Variants in CECR2 observed in about 807,000 individuals in gnomAD.
CECR2 encodes CECR2 histone acetyl-lysine reader.
CECR2 carries 30 observed loss-of-function variants against 154.5 expected under a neutral mutation model. The ratio of observed to expected loss-of-function variants is 0.19; its 90% CI spans 0.15 to 0.26. The LOEUF (loss-of-function observed/expected upper bound fraction) is 0.26. Among genes scored for constraint, CECR2 ranks in the 10% least tolerant of loss-of-function variants. The pLI is 1.00. For missense variants in CECR2, 1,743 were observed against 1,829.3 expected, an observed-to-expected ratio of 0.95 and a Z score of 0.86; for synonymous variants, 725 against 683.7, an observed-to-expected ratio of 1.06 and a Z score of -0.94.
intron 1 of CECR2, among the ~76,000 whole-genome samples, chr22:17,441,066 A>T (rs970656947): frequency 1.3e-5 from 2 of 152,114 alleles, no homozygotes; most frequent in Non-Finnish European, 2.9e-5. Context: ...GTCCTGCCAC[A>T]GCCTCCAGAG....
intron 1 of CECR2, among the ~76,000 whole-genome samples, chr22:17,411,959 C>T (rs79456609): frequency 0.037 from 5,609 of 152,062 alleles, 114 homozygotes; most frequent in Middle Eastern, 0.048. Flanking sequence ...GCCCTGTTGT[C>T]GGACGTCAAG....
intron 8 of CECR2, among the ~76,000 whole-genome samples, chr22:17,521,052 C>CA (rs1252937057): frequency 6.6e-6 from 1 of 152,160 alleles, no homozygotes; most frequent in Admixed American, 6.5e-5. Flanking sequence ...TTTACACTCC[C>CA]ACCAACAGCG....
chr22:17,511,348 C>G (rs974159144), intron 7 of CECR2, among the ~76,000 whole-genome samples: 9 of 152,168 alleles, frequency 5.9e-5, no homozygotes, highest in African/African-American at 2.2e-4. Context: ...CCCACCCCTG[C>G]TCTCTCCCTG....
At chr22:17,463,414 G>C (rs2054974915) in intron 1 of CECR2, among the ~76,000 whole-genome samples, 1 of 152,172 alleles carries the variant, frequency 6.6e-6, no homozygotes, top group South Asian at 2.1e-4. Context: ...AGGGAGTTTG[G>C]TGAGGAAGCT....
intron 1 of CECR2, among the ~76,000 whole-genome samples, chr22:17,362,901 CA>C (rs372498587): frequency 0.46 from 37,515 of 82,306 alleles, 5,705 homozygotes; most frequent in Middle Eastern, 0.59. Context: ...AACTCCGTCT[CA>C]AAAAAAAAAA....
chr22:17,433,147 G>A (rs1409519491), intron 1 of CECR2, among the ~76,000 whole-genome samples: 2 of 152,082 alleles, frequency 1.3e-5, no homozygotes, highest in African/African-American at 4.8e-5. Flanking sequence ...GAACTGATAC[G>A]AACAATATCA....
chr22:17,515,642 A>G (rs186637273), intron 8 of CECR2, among the ~76,000 whole-genome samples: 2 of 152,310 alleles, frequency 1.3e-5, no homozygotes, highest in East Asian at 1.9e-4. Context: ...TTAAGCATAC[A>G]ATAAAAGCTG....
At chr22:17,517,177 A>G (rs959386756) in intron 8 of CECR2, among the ~76,000 whole-genome samples, 2 of 152,156 alleles carry the variant, frequency 1.3e-5, no homozygotes, top group African/African-American at 4.8e-5. Flanking sequence ...GCGCCTGGCC[A>G]AGATCTGGGT....
intron 2 of CECR2, among the ~76,000 whole-genome samples, chr22:17,493,595 G>A (rs982254145): frequency 6.6e-6 from 1 of 152,174 alleles, no homozygotes; most frequent in African/African-American, 2.4e-5. Context: ...GCCCTCAGGT[G>A]TCTCCTAGTT....
At chr22:17,426,247 ATGT>A (rs1405412397) in intron 1 of CECR2, among the ~76,000 whole-genome samples, 1 of 146,046 alleles carries the variant, frequency 6.8e-6, no homozygotes, top group East Asian at 2.0e-4. Flanking sequence ...GAATTCCTTA[ATGT>A]TGTCAAATTT....
At chr22:17,410,058 T>G (rs533598159) in intron 1 of CECR2, among the ~76,000 whole-genome samples, 1 of 141,388 alleles carries the variant, frequency 7.1e-6, no homozygotes, top group East Asian at 2.0e-4. Flanking sequence ...CTCGGCTCAC[T>G]GCAATCTCCA....
Position 17,541,959 on chromosome 22 carries a change from A to G in CECR2, c.2005A>G (p.Thr669Ala), listed in dbSNP as rs760159046. Residue 669 changes from threonine (T) to alanine (A), a missense_variant, in exon 15 of 19, where the codon ACC (threonine) becomes GCC (alanine). Thr to Ala is a moderately conservative substitution (Grantham distance 58, BLOSUM62 0). Transcript: ENST00000262608. ...GEPVQQRQPF[T>A]MQPPVGINSL... ...GCCTGTGCAGCAGCGTCAGCCTTTC[A>G]CCATGCAGGTAAGCAGCCTACTCTG... The G allele has an allele frequency of 1.2e-6, 2 of 1,613,094 alleles. No individual in the cohort carries two copies. Among genetic ancestry groups the G allele is most frequent in the Non-Finnish European group, 1.7e-6 (2 of 1,179,512 alleles).
At chr22:17,386,516 C>G (rs868804740) in intron 1 of CECR2, among the ~76,000 whole-genome samples, 1 of 152,086 alleles carries the variant, frequency 6.6e-6, no homozygotes, top group Non-Finnish European at 1.5e-5. Context: ...TGTTTTATAC[C>G]AGTAATCAAT....
At position 17,540,669 on chromosome 22, in the gene CECR2, T is replaced by G; in HGVS notation, c.1753T>G (p.Ser585Ala). Residue 585 changes from serine to alanine, a missense_variant, in exon 14 of 19, where the codon TCT becomes GCT. Physicochemically the swap from Ser to Ala is moderately conservative, Grantham distance 99. Transcript: ENST00000262608. ...KSLPPTRRAPSSGDDQSSSST... is the reference protein window; with the variant it reads ...KSLPPTRRAPASGDDQSSSST... ...GTTGCCCCCCACACGCCGAGCGCCCTCTTCTGGGGACGATCAGAGCAGCAG... is the reference window on the plus strand; with the variant it reads ...GTTGCCCCCCACACGCCGAGCGCCCGCTTCTGGGGACGATCAGAGCAGCAG... The G allele has an allele frequency of 6.2e-7, 1 of 1,613,966 alleles. No individual in the cohort carries two copies. The highest frequency in any genetic ancestry group is 8.5e-7 in the Non-Finnish European group (1 of 1,179,880).
At chr22:17,545,120 A>G in intron 16 of CECR2, among the ~76,000 whole-genome samples, 1 of 152,138 alleles carries the variant, frequency 6.6e-6, no homozygotes, top group East Asian at 1.9e-4. Flanking sequence ...CACATCTGTA[A>G]TACCAGCACT....
chr22:17,493,820 C>T (rs902349873), intron 2 of CECR2, among the ~76,000 whole-genome samples: 4 of 152,248 alleles, frequency 2.6e-5, no homozygotes, highest in Admixed American at 2.6e-4. Context: ...CTCAACCTCA[C>T]ATTGGAATAA....
intron 1 of CECR2, among the ~76,000 whole-genome samples, chr22:17,384,532 A>G (rs2063236939): frequency 2.0e-5 from 3 of 152,208 alleles, no homozygotes; most frequent in African/African-American, 7.2e-5. Context: ...GACAAAGTAT[A>G]TTGTCAGTTA....
At chr22:17,372,797 A>G (rs1478032444) in intron 1 of CECR2, among the ~76,000 whole-genome samples, 1 of 152,198 alleles carries the variant, frequency 6.6e-6, no homozygotes, top group Non-Finnish European at 1.5e-5. Flanking sequence ...AAATAATAGC[A>G]AGTAGTAGAA....
Position 17,540,797 on chromosome 22 carries a change from G to C in CECR2, c.1881G>C (p.Gln627His). The C allele has an allele frequency of 6.4e-7, 1 of 1,567,640 alleles. No homozygotes were observed. The highest frequency in any genetic ancestry group is 1.2e-5 in the South Asian group (1 of 82,394). The change falls in exon 14 of 19, where the codon CAG (glutamine) becomes CAC (histidine). Residue 627 changes from glutamine (Q) to histidine (H), a missense_variant. Gln to His is a conservative substitution (Grantham distance 24). Transcript: ENST00000262608. ...CCAGCCAGGCACCCTTTTTAAACCA[G>C]ATGGTAAGGAATAGAGTGGAGACTG... The part of the protein sequence containing the change: ...GTPSQAPFLN[Q>H]MRPAVPGTFG...
Sources: gnomAD v4.1 joint callset for allele counts (sites outside exome capture counted in the v4.1 genomes callset) on GRCh38, gnomAD v4.1.1 for gene constraint, MANE v1.5 for transcripts, NCBI Gene and HGNC (gene_info 2026-07-23, HGNC 2026-07-21) for gene names.